IL1RAPL2: variants seen among roughly 807,000 people sequenced by gnomAD.
IL1RAPL2 encodes interleukin 1 receptor accessory protein like 2.
Under a neutral mutation model 44.1 loss-of-function variants are expected in IL1RAPL2, and 3 were observed. The ratio of observed to expected loss-of-function variants is 0.07; its 90% confidence interval spans 0.03 to 0.18. The LOEUF is 0.18. Ranked by LOEUF, IL1RAPL2 falls within the 10% of genes least tolerant of loss-of-function variation. IL1RAPL2 has a pLI of 1.00. For synonymous variants in IL1RAPL2, 181 were observed against 178.8 expected, an observed-to-expected ratio of 1.01 and a Z score of -0.10; for missense variants, 391 against 496.4, an observed-to-expected ratio of 0.79 and a Z score of 2.02.
chrX:105,268,070 C>G (rs974239566), intron 5 of IL1RAPL2, among the ~76,000 whole-genome samples: 4 of 111,725 alleles, frequency 3.6e-5, no homozygotes, highest in Non-Finnish European at 7.5e-5. Flanking sequence ...GAAGTACAAA[C>G]AAAATGTAAA....
At chrX:104,852,662 C>A (rs1249894876) in intron 2 of IL1RAPL2, among the ~76,000 whole-genome samples, 2 of 111,722 alleles carry the variant, frequency 1.8e-5, no homozygotes, top group Non-Finnish European at 3.8e-5. Flanking sequence ...GCAAAGGAAG[C>A]AGGAGAAGGC....
intron 5 of IL1RAPL2, among the ~76,000 whole-genome samples, chrX:105,277,292 C>T (rs761450683): frequency 7.6e-4 from 85 of 112,329 alleles, no homozygotes; most frequent in Non-Finnish European, 1.4e-3. Context: ...GTCAATAGTT[C>T]TTGGATGCAT....
At chrX:105,078,546 A>G (rs1320803604) in intron 2 of IL1RAPL2, among the ~76,000 whole-genome samples, 1 of 111,370 alleles carries the variant, frequency 9.0e-6, no homozygotes, top group African/African-American at 3.3e-5. Context: ...GAGAACCACT[A>G]CTCTCTTCAA....
chrX:104,892,108 C>T (rs1415591803), intron 2 of IL1RAPL2, among the ~76,000 whole-genome samples: 3 of 111,547 alleles, frequency 2.7e-5, no homozygotes, highest in East Asian at 2.8e-4. Context: ...TATTGATTTG[C>T]ATATGTTGAA....
At chrX:104,785,777 A>G (rs1056830864) in intron 2 of IL1RAPL2, among the ~76,000 whole-genome samples, 2 of 112,489 alleles carry the variant, frequency 1.8e-5, no homozygotes, top group African/African-American at 6.5e-5. Context: ...CGACTGTGGC[A>G]AAGCAAACTA....
At position 105,685,094 on chromosome X, in the gene IL1RAPL2, G is replaced by T. The variant is rs210423; in HGVS notation, c.773-32273G>T. Among the ~76,000 whole-genome samples the T allele has an allele frequency of 8.1e-3, 912 of 112,082 alleles. 9 individuals carry two copies. The highest frequency in any genetic ancestry group is 0.062 in the South Asian group (165 of 2,660). ...AAAGGTATATAAAACCACAAAGATT[G>T]GGAGAAACCAGAGGAGAAAAGCTGA... On this transcript the variant is annotated intron_variant, in intron 6 of 10. Coordinates refer to ENST00000372582, the MANE Select transcript of IL1RAPL2 (RefSeq NM_017416.2).
chrX:104,675,378 G>T (rs924601456), intron 2 of IL1RAPL2, among the ~76,000 whole-genome samples: 9 of 111,772 alleles, frequency 8.1e-5, no homozygotes, highest in Non-Finnish European at 1.7e-4. Flanking sequence ...TTCAGGAGCA[G>T]GTTGTTCAGT....
chrX:105,388,477 A>T (rs1602389491), intron 5 of IL1RAPL2, among the ~76,000 whole-genome samples: 2 of 105,445 alleles, frequency 1.9e-5, no homozygotes, highest in East Asian at 5.9e-4. Context: ...AAAACTTGGC[A>T]TATTTATGCC....
At chrX:104,991,598 G>A in intron 2 of IL1RAPL2, among the ~76,000 whole-genome samples, 1 of 111,506 alleles carries the variant, frequency 9.0e-6, no homozygotes, top group Admixed American at 9.5e-5. Flanking sequence ...GTATCTATTA[G>A]GAACTCAAAA....
At chrX:105,461,769 T>C (rs1252657878) in intron 5 of IL1RAPL2, among the ~76,000 whole-genome samples, 1 of 110,730 alleles carries the variant, frequency 9.0e-6, no homozygotes, top group Non-Finnish European at 1.9e-5. Flanking sequence ...GAAAGGAGGG[T>C]GAGGTAAACT....
intron 2 of IL1RAPL2, among the ~76,000 whole-genome samples, chrX:105,000,101 T>C (rs2030826080): frequency 9.0e-6 from 1 of 111,200 alleles, no homozygotes; most frequent in Non-Finnish European, 1.9e-5. Context: ...ATAGATTCAA[T>C]CCCTAGCAAA....
chrX:105,141,889 T>C (rs1186828618), intron 2 of IL1RAPL2, among the ~76,000 whole-genome samples: 2 of 112,080 alleles, frequency 1.8e-5, no homozygotes, highest in Non-Finnish European at 3.8e-5. Flanking sequence ...TTGTTGGAAA[T>C]ACTTGCCATG....
At chrX:105,241,736 A>T (rs2034172825) in intron 4 of IL1RAPL2, among the ~76,000 whole-genome samples, 1 of 111,904 alleles carries the variant, frequency 8.9e-6, no homozygotes, top group African/African-American at 3.3e-5. Context: ...TTTAGCCAAT[A>T]TGTTCACATG....
At chrX:104,683,715 G>A (rs904729339) in intron 2 of IL1RAPL2, among the ~76,000 whole-genome samples, 6 of 112,608 alleles carry the variant, frequency 5.3e-5, no homozygotes, top group African/African-American at 1.3e-4. Flanking sequence ...ATCAATTGCT[G>A]TAAGCAGCTA....
intron 6 of IL1RAPL2, among the ~76,000 whole-genome samples, chrX:105,570,585 T>C (rs980516406): frequency 8.9e-6 from 1 of 111,837 alleles, no homozygotes; most frequent in African/African-American, 3.2e-5. Flanking sequence ...TGTTCCCTTT[T>C]CACCACATCC....
At chrX:104,620,888 C>T (rs904794477) in intron 1 of IL1RAPL2, among the ~76,000 whole-genome samples, 2 of 102,034 alleles carry the variant, frequency 2.0e-5, no homozygotes, top group African/African-American at 7.3e-5. Context: ...CTTTATGGTT[C>T]CATTTATATG....
At chrX:105,246,794 A>T (rs564594471) in intron 4 of IL1RAPL2, among the ~76,000 whole-genome samples, 22 of 111,846 alleles carry the variant, frequency 2.0e-4, no homozygotes, top group African/African-American at 6.5e-4. Context: ...AACATCAGTT[A>T]TATAGGACAA....
intron 2 of IL1RAPL2, among the ~76,000 whole-genome samples, chrX:104,728,086 G>T (rs1415901620): frequency 9.1e-6 from 1 of 110,261 alleles, no homozygotes; most frequent in African/African-American, 3.3e-5. Context: ...TGCACTTGTA[G>T]CCCCTAAATC....
At chrX:105,504,114 A>C (rs2036414721) in intron 6 of IL1RAPL2, among the ~76,000 whole-genome samples, 1 of 111,986 alleles carries the variant, frequency 8.9e-6, no homozygotes, top group Non-Finnish European at 1.9e-5. Context: ...ATTAGAAGTA[A>C]AACCTTCAGT....
Sources: allele counts gnomAD v4.1 joint callset (sites outside exome capture counted in the v4.1 genomes callset), GRCh38; gene constraint gnomAD v4.1.1; transcripts MANE v1.5; gene names NCBI Gene and HGNC (gene_info 2026-07-23, HGNC 2026-07-21).